Variants in FHL5 observed in about 807,000 individuals in gnomAD.
FHL5 encodes the protein four and a half LIM domains protein 5.
In FHL5, 33 loss-of-function variants were observed where a neutral mutation model predicts 32.0. That is an observed-to-expected ratio of 1.03 (90% CI 0.78 to 1.38). The LOEUF is 1.38. Among genes scored for constraint, FHL5 ranks in the 40% most tolerant of loss-of-function variants. FHL5 has a pLI of 0.00. For synonymous variants in FHL5, 114 were observed against 113.6 expected (o/e 1.00, Z -0.02); for missense variants, 336 against 343.9 (o/e 0.98, Z 0.18).
intron 1 of FHL5, among the ~76,000 whole-genome samples, chr6:96,564,628 A>G (rs368174115): frequency 6.6e-6 from 1 of 152,206 alleles, no homozygotes; most frequent in Admixed American, 6.5e-5. Flanking sequence ...ATTACAAATA[A>G]GAGTTTAGAA....
chr6:96,571,661 G>A (rs754605445), intron 1 of FHL5, among the ~76,000 whole-genome samples: 5 of 152,120 alleles, frequency 3.3e-5, no homozygotes, highest in African/African-American at 4.8e-5. Context: ...AGGGTGCCAG[G>A]TTGTAGCTGT....
intron 1 of FHL5, among the ~76,000 whole-genome samples, chr6:96,572,693 T>C (rs2127959640): frequency 6.6e-6 from 1 of 152,276 alleles, no homozygotes; most frequent in East Asian, 1.9e-4. Flanking sequence ...CATGTGGGCT[T>C]GGTGCCTAAG....
chr6:96,587,248 G>A (rs975149622), intron 1 of FHL5, among the ~76,000 whole-genome samples: 1 of 149,064 alleles, frequency 6.7e-6, no homozygotes, highest in African/African-American at 2.6e-5. Context: ...CATCAAACAA[G>A]AGCAATTTTG....
chr6:96,600,651 AC>A (rs1771129187), intron 1 of FHL5, among the ~76,000 whole-genome samples: 1 of 152,260 alleles, frequency 6.6e-6, no homozygotes, highest in South Asian at 2.1e-4. Flanking sequence ...TAGTTATAAT[AC>A]CTCTATTTTT....
At chr6:96,609,043 C>T (rs184425550) in intron 4 of FHL5, among the ~76,000 whole-genome samples, 77 of 152,256 alleles carry the variant, frequency 5.1e-4, no homozygotes, top group African/African-American at 1.6e-3. Context: ...TTTTAAATTG[C>T]TTTACTTCCA....
chr6:96,614,910 A>T (rs1771484765), intron 5 of FHL5, among the ~76,000 whole-genome samples: 1 of 152,200 alleles, frequency 6.6e-6, no homozygotes, highest in Non-Finnish European at 1.5e-5. Context: ...CTTAGAAACC[A>T]ATCACGTGAT....
intron 4 of FHL5, among the ~76,000 whole-genome samples, chr6:96,607,669 A>G (rs1410382698): frequency 1.3e-5 from 2 of 152,096 alleles, no homozygotes; most frequent in Non-Finnish European, 2.9e-5. Context: ...AAGAATTACC[A>G]GGGTCAATGA....
chr6:96,583,611 C>G (rs1770738310), intron 1 of FHL5, among the ~76,000 whole-genome samples: 1 of 151,960 alleles, frequency 6.6e-6, no homozygotes, highest in East Asian at 1.9e-4. Context: ...TCATTGGTGC[C>G]CGAAGTTTAG....
chr6:96,563,516 A>T (rs1447119746), intron 1 of FHL5, among the ~76,000 whole-genome samples, 161 bp downstream of exon 1: 1 of 152,052 alleles, frequency 6.6e-6, no homozygotes, highest in Non-Finnish European at 1.5e-5. Context: ...TTTCTTAGCC[A>T]TTTTAGCTAA....
rs1178680000 is a variant in FHL5, at chr6:96,594,227, T to TTATA, written c.-12-9331_-12-9328dup. On this transcript the variant is annotated intron_variant, in intron 1 of 5. Coordinates refer to ENST00000450218, the MANE Select transcript of FHL5 (RefSeq NM_001322466.2). ...AAAAGGATCCAATAAATATTAGAATTTATATATATATATATATATATATAT... is the reference window on the plus strand; with the variant it reads ...AAAAGGATCCAATAAATATTAGAATTTATATATATATATATATATATATATATAT... 4.2e-3 allele frequency among the ~76,000 whole-genome samples: 283 copies of TTATA among 66,674 alleles called. 1 individual carries two copies. The highest frequency in any genetic ancestry group is 4.9e-3 in the East Asian group (10 of 2,034). The allele number at this position is 66,674 out of a possible 152,430, so 43.7% of individuals were successfully genotyped here.
intron 1 of FHL5, among the ~76,000 whole-genome samples, chr6:96,591,459 C>T (rs1450961185): frequency 6.6e-6 from 1 of 151,960 alleles, no homozygotes; most frequent in Non-Finnish European, 1.5e-5. Context: ...GTACTTTTGC[C>T]CAAAGAACAC....
At chr6:96,612,848 C>T (rs1288880417) in intron 5 of FHL5, among the ~76,000 whole-genome samples, 1 of 152,070 alleles carries the variant, frequency 6.6e-6, no homozygotes, top group Non-Finnish European at 1.5e-5. Context: ...TCTATAGGCC[C>T]TGAAGTACTG....
At chr6:96,564,378 T>A (rs954878297) in intron 1 of FHL5, among the ~76,000 whole-genome samples, 1 of 152,182 alleles carries the variant, frequency 6.6e-6, no homozygotes, top group African/African-American at 2.4e-5. Context: ...CCAAATTGCT[T>A]TAAGGGGAAG....
chr6:96,588,367 T>C (rs1770844250), intron 1 of FHL5, among the ~76,000 whole-genome samples: 1 of 152,112 alleles, frequency 6.6e-6, no homozygotes, highest in African/African-American at 2.4e-5. Context: ...TGCACCACCA[T>C]GCCTGGCTAA....
At chr6:96,568,661 G>A (rs1166059452) in intron 1 of FHL5, among the ~76,000 whole-genome samples, 2 of 151,822 alleles carry the variant, frequency 1.3e-5, no homozygotes, top group South Asian at 2.1e-4. Context: ...GTCTGTTCAG[G>A]TGTTCTCTTT....
intron 1 of FHL5, among the ~76,000 whole-genome samples, chr6:96,576,613 T>C (rs1770589877): frequency 6.6e-6 from 1 of 152,232 alleles, no homozygotes. Context: ...AGTGTATATA[T>C]TCAGGGAGCT....
In FHL5 at chr6:96,614,630, G is replaced by A. The variant is rs189063900; in HGVS notation, c.692-979G>A. 2.1e-3 allele frequency among the ~76,000 whole-genome samples: 316 copies of A among 152,244 alleles called. 1 individual carries two copies. The highest frequency in any genetic ancestry group is 4.8e-3 in the African/African-American group (198 of 41,552). The stretch of plus-strand genomic sequence containing the variant: ...CATAACTCTTTTAGCCTCACTCCAT[G>A]GATGATAAGCAAATAATAGCACTAA... On this transcript the variant is annotated intron_variant, in intron 5 of 5. Transcript: ENST00000450218.
At chr6:96,608,394 A>T (rs1771329533) in intron 4 of FHL5, among the ~76,000 whole-genome samples, 1 of 152,166 alleles carries the variant, frequency 6.6e-6, no homozygotes, top group South Asian at 2.1e-4. Context: ...AGTTTTTAAA[A>T]CCACAAGTCC....
intron 5 of FHL5, among the ~76,000 whole-genome samples, chr6:96,611,964 A>C (rs1324261714): frequency 6.6e-6 from 1 of 152,210 alleles, no homozygotes; most frequent in Non-Finnish European, 1.5e-5. Context: ...TGCAGCTAAA[A>C]GTAGAGGAAG....
Sources: gnomAD v4.1 joint callset for allele counts (sites outside exome capture counted in the v4.1 genomes callset) on GRCh38, gnomAD v4.1.1 for gene constraint, MANE v1.5 for transcripts, NCBI Gene and HGNC (gene_info 2026-07-23, HGNC 2026-07-21) for gene names.